Variants in ABCA3 observed in about 807,000 individuals in gnomAD.
The protein encoded by ABCA3 is phospholipid-transporting ATPase ABCA3.
Under a neutral mutation model 172.8 loss-of-function variants are expected in ABCA3, and 88 were observed. The ratio of observed to expected loss-of-function variants is 0.51; its 90% CI spans 0.43 to 0.61. The LOEUF is 0.61. Ranked by LOEUF, ABCA3 falls within the 20% of genes least tolerant of loss-of-function variation. The pLI, the probability that ABCA3 is intolerant of heterozygous loss-of-function variation, is 0.00. For missense variants in ABCA3, 2,164 were observed against 2,301.0 expected (o/e 0.94, Z 1.22); for synonymous variants, 1,066 against 983.8 (o/e 1.08, Z -1.56).
intron 10 of ABCA3, among the ~76,000 whole-genome samples, chr16:2,309,840 A>ATCCCTG (rs2093703679): frequency 6.6e-6 from 1 of 151,974 alleles, no homozygotes; most frequent in Non-Finnish European, 1.5e-5. Flanking sequence ...GGCTAGTCTA[A>ATCCCTG]AGCTCCTAGG....
intron 12 of ABCA3, among the ~76,000 whole-genome samples, chr16:2,302,956 AT>A (rs576672742): frequency 5.5e-4 from 76 of 139,112 alleles, no homozygotes; most frequent in Non-Finnish European, 7.1e-4. Flanking sequence ...CACCCAGCTA[AT>A]TTTTTTTTTT....
rs1345325898 is a variant in ABCA3, at chr16:2,285,436, G to A, written c.3483+6C>T. Reference sequence around the variant, plus strand: ...GGGAACGGATCCAGCACCCTCCGGCGCTCACCAGCAGCAGCAGACTGGGGA... The same window carrying A: ...GGGAACGGATCCAGCACCCTCCGGCACTCACCAGCAGCAGCAGACTGGGGA... On this transcript the variant is annotated splice_donor_region_variant and intron_variant, in intron 23 of 32. Transcript: ENST00000301732. The surrounding 1 kb of genome is among the most constrained non-coding windows in gnomAD (Gnocchi z 4.7). The A allele has an allele frequency of 8.7e-6, 14 of 1,605,494 alleles. No individual in the cohort carries two copies. The highest frequency in any genetic ancestry group is 4.5e-5 in the East Asian group (2 of 44,594).
chr16:2,281,649 C>A lies in ABCA3; in HGVS notation c.4036-140G>T. The stretch of plus-strand genomic sequence containing the variant: ...CTTCTCGTCCCAATCTCAGGCCCCA[C>A]AGGTGCGACTCAGACCTTTTACTAG... On this transcript the variant is annotated intron_variant, in intron 26 of 32. Transcript: ENST00000301732. The surrounding 1 kb of genome is among the most constrained non-coding windows in gnomAD (Gnocchi z 4.7). 2 of 1,060,328 alleles carry A rather than the reference C, an allele frequency of 1.9e-6. No homozygotes were observed. Among genetic ancestry groups the A allele is most frequent in the Non-Finnish European group, 2.8e-6 (2 of 711,364 alleles). 65.7% of individuals were successfully genotyped at this position (1,060,328 alleles called of 1,614,324 possible).
At chr16:2,316,349 GAAAA>G (rs1172715707) in intron 10 of ABCA3, among the ~76,000 whole-genome samples, 1 of 90,258 alleles carries the variant, frequency 1.1e-5, no homozygotes, top group East Asian at 3.0e-4. Context: ...AAAAAGAAAA[GAAAA>G]AAAAAAAAAG....
rs1229446447 is a variant in ABCA3, at chr16:2,297,375, C to T, written c.2217G>A (p.Gly739=). 3.1e-6 allele frequency: 5 copies of T among 1,613,076 alleles called. No individual in the cohort carries two copies. Among genetic ancestry groups the T allele is most frequent in the Non-Finnish European group, 4.2e-6 (5 of 1,180,004 alleles). ...GCGAGGACCCGCAGCACTGCAGCTC[C>T]CCCTTGGCCATGATGGCGATGCGGT... The part of the protein sequence containing the change: ...LGDRIAIMAK[G]ELQCCGSSLF... Residue 739 remains glycine, a synonymous_variant, in exon 17 of 33, where the codon GGG becomes GGA. Coordinates refer to ENST00000301732, the MANE Select transcript of ABCA3 (RefSeq NM_001089.3). This position sits in a 1 kb window ranked among gnomAD's most constrained non-coding sequence, Gnocchi z 5.6.
At chr16:2,312,607 C>T (rs1056956790) in intron 10 of ABCA3, among the ~76,000 whole-genome samples, 18 of 151,444 alleles carry the variant, frequency 1.2e-4, no homozygotes, top group African/African-American at 3.9e-4. Context: ...CAGCCCACTG[C>T]AACCTCCGCC....
At chr16:2,276,923 G>C in intron 32 of ABCA3, 118 bp from the exon 33 acceptor site, 2 of 1,438,836 alleles carry the variant, frequency 1.4e-6, no homozygotes, top group Non-Finnish European at 1.9e-6. Flanking sequence ...CCCCTGCCCA[G>C]CGCCACCCCA....
intron 32 of ABCA3, 142 bp from the exon 33 acceptor site, chr16:2,276,947 G>T: frequency 7.7e-7 from 1 of 1,297,976 alleles, no homozygotes; most frequent in Non-Finnish European, 1.1e-6. Flanking sequence ...CCCCAGAGAG[G>T]TCAGCCCTGC....
chr16:2,325,141 T>C (rs1281858581), intron 5 of ABCA3, among the ~76,000 whole-genome samples: 1 of 152,086 alleles, frequency 6.6e-6, no homozygotes, highest in Non-Finnish European at 1.5e-5. Flanking sequence ...CAGTGGGAGT[T>C]CCCTTCTCAG....
intron 4 of ABCA3, 56 bp from the exon 5 acceptor site, chr16:2,326,330 G>A (rs1596866701): frequency 6.2e-7 from 1 of 1,611,302 alleles, no homozygotes; most frequent in Non-Finnish European, 8.5e-7. Flanking sequence ...GCAGGGGCAT[G>A]CAGACAGCCC....
Position 2,277,982 on chromosome 16 carries a change from C to T in ABCA3, c.4806G>A (p.Lys1602=), listed in dbSNP as rs768275365. 2.5e-6 allele frequency: 4 copies of T among 1,613,238 alleles called. No individual in the cohort carries two copies. The highest frequency in any genetic ancestry group is 3.4e-6 in the Non-Finnish European group (4 of 1,180,002). ...FKCLGSPQHL[K]SKFGSGYSLR... Reference sequence around the variant, plus strand: ...GGGAGTAGCCGCTGCCGAACTTGCTCTTGAGGTGCTGGGGGCTGCCCAGGC... The same window carrying T: ...GGGAGTAGCCGCTGCCGAACTTGCTTTTGAGGTGCTGGGGGCTGCCCAGGC... Residue 1602 remains lysine, a synonymous_variant, in exon 31 of 33, where the codon AAG becomes AAA. Coordinates refer to ENST00000301732, the MANE Select transcript of ABCA3 (RefSeq NM_001089.3). The surrounding 1 kb of genome is among the most constrained non-coding windows in gnomAD (Gnocchi z 5.3).
At chr16:2,306,589 C>T (rs540027412) in intron 11 of ABCA3, among the ~76,000 whole-genome samples, 16 of 152,248 alleles carry the variant, frequency 1.1e-4, no homozygotes, top group African/African-American at 3.6e-4. Context: ...GACTTGACCC[C>T]CAATGCAGCA....
At chr16:2,314,943 C>A (rs2093712566) in intron 10 of ABCA3, among the ~76,000 whole-genome samples, 2 of 137,796 alleles carry the variant, frequency 1.5e-5, no homozygotes, top group Admixed American at 7.6e-5. Context: ...ACTGGCACAA[C>A]CTCGGCTCAC....
Position 2,285,059 on chromosome 16 carries a change from G to C in ABCA3, c.3484-61C>G. 6.4e-7 allele frequency: 1 copy of C among 1,551,700 alleles called. No homozygotes were observed. Among genetic ancestry groups the C allele is most frequent in the East Asian group, 2.3e-5 (1 of 42,612 alleles). ...AAGCTGAGAGGAGCTCACGGGTAGG[G>C]AAGGGGTGAGAGGAGCATTTGGAGG... is the stretch of plus-strand genomic sequence containing the variant. On this transcript the variant is annotated intron_variant, in intron 23 of 32. Transcript: ENST00000301732. The surrounding 1 kb of genome is among the most constrained non-coding windows in gnomAD (Gnocchi z 4.7).
chr16:2,286,686 G>A lies in ABCA3; in HGVS notation c.3278+8C>T, dbSNP rs1490569726. 6.2e-7 allele frequency: 1 copy of A among 1,612,688 alleles called. No homozygotes were observed. The highest frequency in any genetic ancestry group is 8.5e-7 in the Non-Finnish European group (1 of 1,179,862). On this transcript the variant is annotated splice_region_variant and intron_variant, in intron 22 of 32. Coordinates refer to ENST00000301732, the MANE Select transcript of ABCA3 (RefSeq NM_001089.3). This position sits in a 1 kb window ranked among gnomAD's most constrained non-coding sequence, Gnocchi z 5.2. Reference sequence around the variant, plus strand: ...GCCAGGGCAGACAGGGACGGGCAGTGCACATACTCGTTAAACTGGTCCTTG... The same window carrying A: ...GCCAGGGCAGACAGGGACGGGCAGTACACATACTCGTTAAACTGGTCCTTG...
In ABCA3 at chr16:2,295,754, C is replaced by G; in HGVS notation, c.2264-14G>C. 6.2e-7 allele frequency: 1 copy of G among 1,613,700 alleles called. No individual in the cohort carries two copies. Among genetic ancestry groups the G allele is most frequent in the Non-Finnish European group, 8.5e-7 (1 of 1,180,036 alleles). ...GATAGCCGGCACCTGGAATACAGGG[C>G]CACGTGTGAGATCTTTGGCTGATCC... On this transcript the variant is annotated splice_polypyrimidine_tract_variant and intron_variant, in intron 17 of 32. Transcript: ENST00000301732.
intron 18 of ABCA3, among the ~76,000 whole-genome samples, chr16:2,294,905 C>T (rs1048196413): frequency 2.6e-5 from 4 of 152,106 alleles, no homozygotes; most frequent in Non-Finnish European, 5.9e-5. Context: ...ATTGCTTGAA[C>T]CTGGGAGGCA....
intron 6 of ABCA3, among the ~76,000 whole-genome samples, chr16:2,324,107 C>G (rs1363552339): frequency 1.3e-5 from 2 of 152,344 alleles, no homozygotes; most frequent in East Asian, 1.9e-4. Flanking sequence ...TTATTAGACT[C>G]TGTTCTGGAG....
chr16:2,283,495 C>A lies in ABCA3; in HGVS notation c.3863-137G>T, dbSNP rs1308225641. Reference sequence around the variant, plus strand: ...CCCCTCCATGGGGAGATGTGAAGGCCAGTAGGTCACAGCTGCCTCTCGAGG... The same window carrying A: ...CCCCTCCATGGGGAGATGTGAAGGCAAGTAGGTCACAGCTGCCTCTCGAGG... On this transcript the variant is annotated intron_variant, in intron 25 of 32. Coordinates refer to ENST00000301732, the MANE Select transcript of ABCA3 (RefSeq NM_001089.3). This position sits in a 1 kb window ranked among gnomAD's most constrained non-coding sequence, Gnocchi z 5.4. The A allele has an allele frequency of 3.1e-6, 3 of 963,182 alleles. No homozygotes were observed. Among genetic ancestry groups the A allele is most frequent in the Non-Finnish European group, 4.6e-6 (3 of 657,208 alleles). 59.7% of individuals were successfully genotyped at this position (963,182 alleles called of 1,614,324 possible). A position where few individuals can be genotyped will look rare whatever the true frequency, so the allele number is the denominator to read the frequency against.
Sources: allele counts gnomAD v4.1 joint callset (sites outside exome capture counted in the v4.1 genomes callset), GRCh38; gene constraint gnomAD v4.1.1; non-coding constraint Gnocchi (gnomAD v3.1); transcripts MANE v1.5; gene names NCBI Gene and HGNC (gene_info 2026-07-23, HGNC 2026-07-21).